Variants in CFAP96 observed in about 807,000 individuals in gnomAD.
CFAP96 encodes the protein cilia-and flagella-associated protein 96.
At chr4:185,427,910 AC>A in the CFAP96 span, among the ~76,000 whole-genome samples, 2 of 149,062 alleles carry the variant, frequency 1.3e-5, no homozygotes, top group Non-Finnish European at 3.0e-5. Context: ...ACATGGTGAA[AC>A]CCCGTCTCTA....
chr4:185,428,335 AG>A, the CFAP96 span, among the ~76,000 whole-genome samples: 1 of 152,046 alleles, frequency 6.6e-6, no homozygotes, highest in South Asian at 2.1e-4. Flanking sequence ...GCGCTTTGGG[AG>A]GCCGAGGTGG....
chr4:185,443,589 T>C, the CFAP96 span, among the ~76,000 whole-genome samples: 131,030 of 150,618 alleles, frequency 0.87, 57,453 homozygotes, highest in East Asian at 0.99. Flanking sequence ...CCTCAGGTGA[T>C]CCACCTGATT....
the CFAP96 span, among the ~76,000 whole-genome samples, chr4:185,432,389 CATT>C: frequency 8.5e-5 from 13 of 152,214 alleles, no homozygotes; most frequent in Admixed American, 1.3e-4. Context: ...AATATATTCT[CATT>C]ATCATATTAA....
At chr4:185,445,799 T>G in the CFAP96 span, among the ~76,000 whole-genome samples, 1 of 152,204 alleles carries the variant, frequency 6.6e-6, no homozygotes, top group Non-Finnish European at 1.5e-5. Context: ...AACATTAGTA[T>G]TATTTCACAA....
the CFAP96 span, among the ~76,000 whole-genome samples, chr4:185,447,144 G>C: frequency 6.6e-6 from 1 of 151,296 alleles, no homozygotes; most frequent in African/African-American, 2.4e-5. Context: ...TTGTATGATA[G>C]TTATTTTGTT....
chr4:185,438,341 A>G, the CFAP96 span, among the ~76,000 whole-genome samples: 515 of 152,214 alleles, frequency 3.4e-3, 3 homozygotes, highest in African/African-American at 0.012. Flanking sequence ...AAACTCACCA[A>G]TCTATTTTTC....
chr4:185,416,121 T>A, the CFAP96 span: 1 of 287,140 alleles, frequency 3.5e-6, no homozygotes, highest in Non-Finnish European at 6.4e-6. Context: ...AATATAAAGC[T>A]GTACTACAGT....
chr4:185,434,941 A>G, the CFAP96 span, among the ~76,000 whole-genome samples: 1 of 152,106 alleles, frequency 6.6e-6, no homozygotes. Context: ...GGGTTTCGCC[A>G]TGTTGGCCAG....
At chr4:185,419,228 T>A in the CFAP96 span, among the ~76,000 whole-genome samples, 1 of 151,974 alleles carries the variant, frequency 6.6e-6, no homozygotes, top group East Asian at 1.9e-4. Context: ...GCCTCCCGGG[T>A]TCACGCCATT....
the CFAP96 span, chr4:185,449,824 T>A: frequency 2.3e-6 from 1 of 439,380 alleles, no homozygotes; most frequent in Non-Finnish European, 4.1e-6. Context: ...TATTTGCTAA[T>A]AACACGTGGT....
chr4:185,438,404 A>G, the CFAP96 span, among the ~76,000 whole-genome samples: 7 of 152,090 alleles, frequency 4.6e-5, no homozygotes, highest in Non-Finnish European at 8.8e-5. Flanking sequence ...AATTTCATAC[A>G]TTGTGGTTTT....
the CFAP96 span, among the ~76,000 whole-genome samples, chr4:185,419,531 A>G: frequency 6.6e-6 from 1 of 152,216 alleles, no homozygotes; most frequent in East Asian, 1.9e-4. Context: ...CTTACTAACT[A>G]TATGATCTCA....
the CFAP96 span, among the ~76,000 whole-genome samples, chr4:185,429,854 G>A: frequency 7.8e-3 from 1,178 of 151,884 alleles, 24 homozygotes; most frequent in South Asian, 0.061. Flanking sequence ...GTGGAGTAGG[G>A]CGGGGGAGCT....
At chr4:185,436,454 G>A in the CFAP96 span, 1 of 905,070 alleles carries the variant, frequency 1.1e-6, no homozygotes, top group Admixed American at 2.2e-5. Flanking sequence ...GCTCACATCT[G>A]TAATCCCAGC....
the CFAP96 span, among the ~76,000 whole-genome samples, chr4:185,409,201 A>G: frequency 5.9e-5 from 9 of 152,200 alleles, no homozygotes; most frequent in African/African-American, 2.2e-4. Context: ...AATGTGTCTA[A>G]ATTTATAAAC....
chr4:185,413,037 G>C, the CFAP96 span, among the ~76,000 whole-genome samples: 507 of 152,310 alleles, frequency 3.3e-3, 3 homozygotes, highest in African/African-American at 0.012. Context: ...TGGGCATGGT[G>C]AATCATGCCT....
the CFAP96 span, among the ~76,000 whole-genome samples, chr4:185,434,330 C>T: frequency 1.3e-5 from 2 of 152,118 alleles, no homozygotes; most frequent in African/African-American, 2.4e-5. Context: ...CTTATTATTA[C>T]TACTGTTTCT....
the CFAP96 span, among the ~76,000 whole-genome samples, chr4:185,439,841 A>C: frequency 1.3e-5 from 2 of 148,236 alleles, no homozygotes; most frequent in African/African-American, 4.9e-5. Flanking sequence ...ATAATCTCAT[A>C]TATACATATA....
chr4:185,434,177 C>CCACTG, the CFAP96 span, among the ~76,000 whole-genome samples: 1 of 151,856 alleles, frequency 6.6e-6, no homozygotes. Context: ...TGAGACTGCA[C>CCACTG]CACTGCACTG....
Sources: gnomAD v4.1 joint callset for allele counts (sites outside exome capture counted in the v4.1 genomes callset) on GRCh38, gnomAD v4.1.1 for gene constraint, MANE v1.5 for transcripts, NCBI Gene and HGNC (gene_info 2026-07-23, HGNC 2026-07-21) for gene names.